Variants in CDKL2 observed in about 807,000 individuals in gnomAD.
The protein encoded by CDKL2 is cyclin dependent kinase like 2.
A neutral mutation model predicts 63.9 loss-of-function variants in CDKL2; 64 were observed. The observed-to-expected ratio is 1.00, with a 90% CI of 0.82 to 1.23. The LOEUF is 1.23. Ranked by LOEUF, CDKL2 falls within the 50% of genes most tolerant of loss-of-function variation. The pLI, the probability that CDKL2 is intolerant of heterozygous loss-of-function variation, is 0.00. For synonymous variants in CDKL2, 211 were observed against 229.2 expected (o/e 0.92, Z 0.72); for missense variants, 656 against 668.0 (o/e 0.98, Z 0.20).
At chr4:75,609,611 A>G (rs2148894816) in intron 3 of CDKL2, among the ~76,000 whole-genome samples, 1 of 147,938 alleles carries the variant, frequency 6.8e-6, no homozygotes, top group South Asian at 2.1e-4. Context: ...CAAAAAATAT[A>G]TATATAAAAA....
intron 3 of CDKL2, among the ~76,000 whole-genome samples, chr4:75,609,152 T>A (rs1729562478): frequency 6.6e-6 from 1 of 152,164 alleles, no homozygotes; most frequent in Admixed American, 6.5e-5. Flanking sequence ...AATAATTAGT[T>A]TAGTTTTAAT....
chr4:75,604,993 G>A lies in CDKL2; in HGVS notation c.655+529C>T, dbSNP rs563739872. Among the ~76,000 whole-genome samples, 13 of 152,032 alleles carry A rather than the reference G, an allele frequency of 8.6e-5. No homozygotes were observed. In the South Asian group the frequency reaches 1.9e-3, roughly 22 times the overall value. On this transcript the variant is annotated intron_variant, in intron 5 of 13. Coordinates refer to ENST00000307465, the MANE Select transcript of CDKL2 (RefSeq NM_001330724.2). ...CAGCCTGGTGACAGAACGAGACTCC[G>A]TCTCAAAAAATAAAAAAGAACATGC...
chr4:75,606,268 G>A (rs1729423684), intron 4 of CDKL2, among the ~76,000 whole-genome samples: 2 of 150,406 alleles, frequency 1.3e-5, no homozygotes, highest in African/African-American at 2.5e-5. Context: ...AGGCTGGAGT[G>A]CAGTCGCGTA....
chr4:75,606,939 T>C (rs1255946708), intron 4 of CDKL2, among the ~76,000 whole-genome samples: 1 of 152,194 alleles, frequency 6.6e-6, no homozygotes. Flanking sequence ...GATAAATATA[T>C]CTATTTCCAA....
chr4:75,613,926 G>T (rs1017339516), intron 3 of CDKL2, among the ~76,000 whole-genome samples: 1 of 152,086 alleles, frequency 6.6e-6, no homozygotes, highest in African/African-American at 2.4e-5. Context: ...GCGTAGTGGT[G>T]CATGCCTGTA....
intron 2 of CDKL2, among the ~76,000 whole-genome samples, chr4:75,620,408 A>T (rs1016674064): frequency 6.6e-6 from 1 of 152,164 alleles, no homozygotes; most frequent in Non-Finnish European, 1.5e-5. Context: ...AAATGGAGGG[A>T]ACTTAAAACC....
chr4:75,622,473 C>A (rs550924301), intron 2 of CDKL2, among the ~76,000 whole-genome samples: 9 of 152,066 alleles, frequency 5.9e-5, no homozygotes, highest in African/African-American at 1.9e-4. Context: ...GTAATCCCAA[C>A]ACTTTGGGAA....
chr4:75,587,149 C>T (rs183502879), intron 12 of CDKL2, among the ~76,000 whole-genome samples: 67 of 152,246 alleles, frequency 4.4e-4, no homozygotes, highest in African/African-American at 1.5e-3. Flanking sequence ...ACAGTCCTTA[C>T]AGATATTAAA....
intron 10 of CDKL2, among the ~76,000 whole-genome samples, chr4:75,592,570 T>C (rs775945059): frequency 1.6e-4 from 24 of 152,350 alleles, no homozygotes; most frequent in Middle Eastern, 3.4e-3. Context: ...AAGATGGGCA[T>C]TGATGCGCTG....
chr4:75,626,132 G>T, intron 1 of CDKL2, 115 bp from the exon 2 acceptor site: 1 of 660,882 alleles, frequency 1.5e-6, no homozygotes, highest in Non-Finnish European at 2.6e-6. Flanking sequence ...GTTCATGGCT[G>T]TCCTGTATTA....
rs1728107606 is a variant in CDKL2, at chr4:75,578,124, A to G, written c.*1078T>C. The G allele has an allele frequency of 6.6e-6, 1 of 152,128 alleles. No individual in the cohort carries two copies. Among genetic ancestry groups the G allele is most frequent in the Non-Finnish European group, 1.5e-5 (1 of 68,026 alleles). The allele number at this position is 152,128 out of a possible 1,614,324, so 9.4% of individuals were successfully genotyped here. ...CCAACTTAGTTTATTCCTCCCACCTAAAAAGTTTTGGATCCATGCATTGGA... is the reference window on the plus strand; with the variant it reads ...CCAACTTAGTTTATTCCTCCCACCTGAAAAGTTTTGGATCCATGCATTGGA... On this transcript the variant is annotated 3_prime_UTR_variant, in exon 14 of 14. Transcript: ENST00000307465.
intron 3 of CDKL2, among the ~76,000 whole-genome samples, chr4:75,611,632 T>C (rs1729698227): frequency 6.6e-6 from 1 of 151,824 alleles, no homozygotes; most frequent in South Asian, 2.1e-4. Context: ...GTAAATGTTC[T>C]GAAGCTTAGC....
chr4:75,608,589 C>T (rs537998565), intron 3 of CDKL2, among the ~76,000 whole-genome samples: 13 of 151,996 alleles, frequency 8.6e-5, no homozygotes, highest in Non-Finnish European at 1.6e-4. Flanking sequence ...GAGAGAAAGA[C>T]GAGAGGCAGG....
intron 2 of CDKL2, 136 bp from the exon 3 acceptor site, chr4:75,614,585 T>A (rs1277664141): frequency 3.5e-6 from 2 of 563,504 alleles, no homozygotes; most frequent in Non-Finnish European, 6.1e-6. Context: ...AATGCATACA[T>A]AGTGTAAATT....
intron 12 of CDKL2, among the ~76,000 whole-genome samples, chr4:75,590,166 C>CA (rs1485469068): frequency 2.0e-5 from 3 of 151,458 alleles, no homozygotes; most frequent in East Asian, 1.9e-4. Context: ...AACCCTGTCT[C>CA]AAAAAAAAGA....
chr4:75,598,209 A>G lies in CDKL2; in HGVS notation c.888T>C (p.Phe296=). The change falls in exon 8 of 14, where the codon TTT becomes TTC. Residue 296 remains phenylalanine, a synonymous_variant. Coordinates refer to ENST00000307465, the MANE Select transcript of CDKL2 (RefSeq NM_001330724.2). ...FFQMDGFAER[F]SQELQLKVQK... ...GTACTTTTAACTGTAGTTCTTGGGA[A>G]AACCTACATAAAAATATAATAAAAT... 1 of 1,423,636 alleles carries G rather than the reference A, an allele frequency of 7.0e-7. No individual in the cohort carries two copies. The highest frequency in any genetic ancestry group is 9.5e-7 in the Non-Finnish European group (1 of 1,051,270). 88.2% of individuals were successfully genotyped at this position (1,423,636 alleles called of 1,614,324 possible).
At chr4:75,585,593 T>C (rs771119666) in intron 12 of CDKL2, among the ~76,000 whole-genome samples, 2 of 151,598 alleles carry the variant, frequency 1.3e-5, no homozygotes, top group Non-Finnish European at 2.9e-5. Context: ...ACCCCATTTC[T>C]AAAAAAATAA....
At chr4:75,606,503 G>A (rs2148890284) in intron 4 of CDKL2, among the ~76,000 whole-genome samples, 2 of 152,318 alleles carry the variant, frequency 1.3e-5, no homozygotes, top group South Asian at 4.1e-4. Flanking sequence ...ATGAGCCGCT[G>A]CACCCAGCCT....
At chr4:75,628,661 T>C (rs766551271) in intron 1 of CDKL2, among the ~76,000 whole-genome samples, 2 of 152,242 alleles carry the variant, frequency 1.3e-5, no homozygotes, top group Non-Finnish European at 2.9e-5. Flanking sequence ...TCTTGCCTGT[T>C]GTATTAATTG....
Sources: allele counts gnomAD v4.1 joint callset (sites outside exome capture counted in the v4.1 genomes callset), GRCh38; gene constraint gnomAD v4.1.1; transcripts MANE v1.5; gene names NCBI Gene and HGNC (gene_info 2026-07-23, HGNC 2026-07-21).